The following ANK2 variants were observed in gnomAD, a reference collection of about 807,000 sequenced individuals.
ANK2 encodes the protein ankyrin 2, also known as ankyrin-2.
A neutral mutation model predicts 360.5 loss-of-function variants in ANK2; 83 were observed. That is an observed-to-expected ratio of 0.23 (90% CI 0.19 to 0.28). The LOEUF is 0.28. Among genes scored for constraint, ANK2 ranks in the 10% least tolerant of loss-of-function variants. The pLI, the probability that ANK2 is intolerant of heterozygous loss-of-function variation, is 1.00. For synonymous variants in ANK2, 1,740 were observed against 1,759.5 expected (o/e 0.99, Z 0.28); for missense variants, 4,201 against 4,795.7 (o/e 0.88, Z 3.66).
intron 2 of ANK2, among the ~76,000 whole-genome samples, chr4:112,941,425 A>T (rs958633069): frequency 6.9e-6 from 1 of 144,766 alleles, no homozygotes; most frequent in African/African-American, 2.5e-5. Context: ...TTAAAAAGAT[A>T]TATTTTTTGT....
At chr4:112,785,605 T>G in the ANK2 span, among the ~76,000 whole-genome samples, 1 of 152,022 alleles carries the variant, frequency 6.6e-6, no homozygotes, top group African/African-American at 2.4e-5. Context: ...ACACCTGACC[T>G]CGTGATCCAC....
At chr4:112,981,837 C>T (rs1010896298) in intron 2 of ANK2, among the ~76,000 whole-genome samples, 1 of 152,124 alleles carries the variant, frequency 6.6e-6, no homozygotes, top group Non-Finnish European at 1.5e-5. Flanking sequence ...TAAAACAAAT[C>T]CCCAAATTCC....
intron 1 of ANK2, among the ~76,000 whole-genome samples, chr4:113,109,946 A>G (rs1215355803): frequency 6.6e-6 from 1 of 152,218 alleles, no homozygotes; most frequent in Non-Finnish European, 1.5e-5. Flanking sequence ...TGGTTTCTAA[A>G]GAAGATTTTA....
At chr4:113,008,386 A>G (rs1234805628) in intron 2 of ANK2, among the ~76,000 whole-genome samples, 1 of 151,892 alleles carries the variant, frequency 6.6e-6, no homozygotes, top group Non-Finnish European at 1.5e-5. Flanking sequence ...TAGAAATGTT[A>G]TTTTAGTTTT....
At chr4:113,250,366 C>T (rs2045481267) in intron 10 of ANK2, among the ~76,000 whole-genome samples, 1 of 152,160 alleles carries the variant, frequency 6.6e-6, no homozygotes, top group Non-Finnish European at 1.5e-5. Flanking sequence ...TTGGAAAGTA[C>T]AAGTTGCAAT....
intron 4 of ANK2, among the ~76,000 whole-genome samples, chr4:113,216,559 A>C (rs1005551292): frequency 6.6e-6 from 1 of 152,258 alleles, no homozygotes; most frequent in African/African-American, 2.4e-5. Context: ...TTTTGAAAGC[A>C]CAATAATAAA....
At chr4:113,291,037 C>T (rs1269824193) in intron 20 of ANK2, among the ~76,000 whole-genome samples, 3 of 152,076 alleles carry the variant, frequency 2.0e-5, no homozygotes, top group Admixed American at 6.5e-5. Flanking sequence ...AAGAACGTTG[C>T]TTTGGCATTA....
chr4:113,253,205 A>T (rs2047418590), intron 10 of ANK2, among the ~76,000 whole-genome samples: 1 of 152,076 alleles, frequency 6.6e-6, no homozygotes, highest in Non-Finnish European at 1.5e-5. Flanking sequence ...ACTTTCTGGG[A>T]CATTACATTC....
intron 18 of ANK2, among the ~76,000 whole-genome samples, chr4:113,283,684 A>T (rs2063286735): frequency 6.6e-6 from 1 of 152,188 alleles, no homozygotes; most frequent in African/African-American, 2.4e-5. Context: ...ACACTTATAT[A>T]TATGCTGCTA....
chr4:112,747,393 T>TA, the ANK2 span, among the ~76,000 whole-genome samples: 2 of 152,238 alleles, frequency 1.3e-5, no homozygotes, highest in Non-Finnish European at 2.9e-5. Context: ...ACTTTAAATG[T>TA]AAAAATCACA....
the ANK2 span, among the ~76,000 whole-genome samples, chr4:112,751,336 C>A: frequency 1.3e-5 from 2 of 152,188 alleles, no homozygotes; most frequent in Non-Finnish European, 2.9e-5. Flanking sequence ...TATAGTAGCA[C>A]AGTTAACAGC....
intron 43 of ANK2, 81 bp from the exon 44 acceptor site, chr4:113,373,009 C>T (rs1237115898): frequency 1.5e-5 from 18 of 1,177,984 alleles, no homozygotes; most frequent in Non-Finnish European, 1.9e-5. Context: ...TTCTAACATT[C>T]CTCACATTAT....
At chr4:113,050,404 C>A (rs1026803159) in intron 1 of ANK2, among the ~76,000 whole-genome samples, 15 of 152,088 alleles carry the variant, frequency 9.9e-5, no homozygotes. Flanking sequence ...ATAAGAAAAA[C>A]AGCTAAAGAT....
chr4:113,256,341 G>T (rs187962557), intron 11 of ANK2, among the ~76,000 whole-genome samples: 10 of 152,316 alleles, frequency 6.6e-5, no homozygotes, highest in Non-Finnish European at 1.5e-5. Context: ...AATTAATGGT[G>T]AATATATTTG....
chr4:113,283,917 A>G (rs1345412624), intron 18 of ANK2, among the ~76,000 whole-genome samples: 2 of 152,242 alleles, frequency 1.3e-5, no homozygotes, highest in Non-Finnish European at 2.9e-5. Flanking sequence ...ATTTGTAAAT[A>G]GGTTATGTAG....
chr4:112,825,160 T>C (rs2058135191), intron 1 of ANK2, among the ~76,000 whole-genome samples: 1 of 151,752 alleles, frequency 6.6e-6, no homozygotes, highest in African/African-American at 2.4e-5. Flanking sequence ...GGACACAGGG[T>C]GGGGAACATC....
At chr4:112,954,393 A>T (rs1228213340) in intron 2 of ANK2, among the ~76,000 whole-genome samples, 1 of 152,152 alleles carries the variant, frequency 6.6e-6, no homozygotes, top group African/African-American at 2.4e-5. Flanking sequence ...CTCTATTTAT[A>T]CCATTTACTG....
At chr4:113,125,457 G>A (rs1268270273) in intron 1 of ANK2, among the ~76,000 whole-genome samples, 2 of 152,056 alleles carry the variant, frequency 1.3e-5, no homozygotes, top group African/African-American at 4.8e-5. Context: ...CCAGAAAGCT[G>A]TTTACTAAGT....
chr4:113,058,382 T>A (rs891507435), intron 1 of ANK2, among the ~76,000 whole-genome samples: 1 of 152,138 alleles, frequency 6.6e-6, no homozygotes, highest in Admixed American at 6.6e-5. Context: ...AATATAATGG[T>A]TACTGTAATT....
Sources: allele counts gnomAD v4.1 joint callset (sites outside exome capture counted in the v4.1 genomes callset), GRCh38; gene constraint gnomAD v4.1.1; transcripts MANE v1.5; gene names NCBI Gene and HGNC (gene_info 2026-07-23, HGNC 2026-07-21).